AHCYL1: variants seen among roughly 807,000 people sequenced by gnomAD.
The protein encoded by AHCYL1 is adenosylhomocysteinase like 1.
Under a neutral mutation model 79.3 loss-of-function variants are expected in AHCYL1, and 20 were observed. That is an observed-to-expected ratio of 0.25 (90% CI 0.18 to 0.37). AHCYL1 has a LOEUF of 0.37. Ranked by LOEUF, AHCYL1 falls within the 10% of genes least tolerant of loss-of-function variation. AHCYL1 has a pLI of 1.00. For missense variants in AHCYL1, 330 were observed against 673.6 expected, an observed-to-expected ratio of 0.49 and a Z score of 5.65; for synonymous variants, 223 against 242.2, an observed-to-expected ratio of 0.92 and a Z score of 0.74.
At chr1:109,993,434 A>G (rs1256118384) in intron 1 of AHCYL1, among the ~76,000 whole-genome samples, 1 of 152,246 alleles carries the variant, frequency 6.6e-6, no homozygotes, top group Non-Finnish European at 1.5e-5. Context: ...AGTACCTGGC[A>G]CATAATACTG....
rs1441482952 is a variant in AHCYL1, at chr1:110,022,673, GGATTTATCTTTAA to G, written c.*996_*1008del. On this transcript the variant is annotated 3_prime_UTR_variant, in exon 17 of 17. Coordinates refer to ENST00000369799, the MANE Select transcript of AHCYL1 (RefSeq NM_006621.7). ...TATAAAGCACTGAGTTCTATCTTTA[GGATTTATCTTTAA>G]GAGCAAATTTCTGGTCAGCTGTGCT... 2 of 152,554 alleles carry G rather than the reference GGATTTATCTTTAA, an allele frequency of 1.3e-5. No homozygotes were observed. Among genetic ancestry groups the G allele is most frequent in the Non-Finnish European group, 2.9e-5 (2 of 68,028 alleles). 9.5% of individuals were successfully genotyped at this position (152,554 alleles called of 1,614,324 possible).
chr1:110,012,137 C>T (rs555556241), intron 3 of AHCYL1, among the ~76,000 whole-genome samples: 4 of 152,322 alleles, frequency 2.6e-5, no homozygotes, highest in African/African-American at 9.6e-5. Context: ...CTGTTCAGTC[C>T]TCTGTGTATA....
chr1:110,009,943 C>G (rs1650916333), intron 2 of AHCYL1, among the ~76,000 whole-genome samples: 1 of 152,212 alleles, frequency 6.6e-6, no homozygotes, highest in African/African-American at 2.4e-5. Flanking sequence ...CTATTAATGT[C>G]AGCAGAGATA....
chr1:109,991,425 T>G (rs1649753977), intron 1 of AHCYL1, among the ~76,000 whole-genome samples: 1 of 152,136 alleles, frequency 6.6e-6, no homozygotes, highest in Non-Finnish European at 1.5e-5. Flanking sequence ...AACATGTTCT[T>G]CTCTACCAGC....
intron 1 of AHCYL1, chr1:109,985,421 A>T: frequency 8.2e-7 from 1 of 1,220,112 alleles, no homozygotes; most frequent in South Asian, 2.3e-5. Flanking sequence ...CCAGGCCTTA[A>T]ATTTGCGACT....
chr1:110,004,865 A>G (rs1650546372), intron 1 of AHCYL1, among the ~76,000 whole-genome samples: 1 of 152,250 alleles, frequency 6.6e-6, no homozygotes, highest in South Asian at 2.1e-4. Flanking sequence ...AGAAGAAAAA[A>G]TAAATTAACC....
At position 109,984,883 on chromosome 1, in the gene AHCYL1, C is replaced by A; in HGVS notation, c.-170C>A. 1 of 1,111,626 alleles carries A rather than the reference C, an allele frequency of 9.0e-7. No homozygotes were observed. Among genetic ancestry groups the A allele is most frequent in the Non-Finnish European group, 1.2e-6 (1 of 868,478 alleles). 68.9% of individuals were successfully genotyped at this position (1,111,626 alleles called of 1,614,324 possible). Reference sequence around the variant, plus strand: ...TGTCCGGCTGCCTTGGGCTGCCGAACAGACAAGGCGTGGGCCACAGCACCT... The same window carrying A: ...TGTCCGGCTGCCTTGGGCTGCCGAAAAGACAAGGCGTGGGCCACAGCACCT... On this transcript the variant is annotated 5_prime_UTR_variant, in exon 1 of 17. Transcript: ENST00000369799.
chr1:110,014,856 T>C lies in AHCYL1; in HGVS notation c.674T>C (p.Met225Thr). 1 of 1,612,794 alleles carries C rather than the reference T, an allele frequency of 6.2e-7. No individual in the cohort carries two copies. Among genetic ancestry groups the C allele is most frequent in the Non-Finnish European group, 8.5e-7 (1 of 1,178,726 alleles). ...AACATGGATGGGTGGCAGGCCAACA[T>C]GGTAATAATGCATATACATCCTACA... ...CVNMDGWQAN[M>T]ILDDGGDLTH... is the part of the protein sequence containing the mutation. Residue 225 changes from methionine to threonine, a missense_variant and splice_region_variant, in exon 6 of 17, where the codon ATG (methionine) becomes ACG (threonine). Around this residue, in one of 6 missense-constraint regions of AHCYL1, gnomAD observed 17 missense variants for 45.6 expected, o/e 0.37. Transcript: ENST00000369799.
At position 109,984,773 on chromosome 1, in the gene AHCYL1, T is replaced by G. The variant is rs1392083447; in HGVS notation, c.-280T>G. ...CACCGCCCTCTACCCTCGCTTTGCGTGCGTGTTTGCGTACAGCGGAGGTGG... is the reference window on the plus strand; with the variant it reads ...CACCGCCCTCTACCCTCGCTTTGCGGGCGTGTTTGCGTACAGCGGAGGTGG... On this transcript the variant is annotated 5_prime_UTR_variant, in exon 1 of 17. Coordinates refer to ENST00000369799, the MANE Select transcript of AHCYL1 (RefSeq NM_006621.7). 3.4e-6 allele frequency: 1 copy of G among 294,572 alleles called. No individual in the cohort carries two copies. Among genetic ancestry groups the G allele is most frequent in the Admixed American group, 5.5e-5 (1 of 18,130 alleles). The allele number at this position is 294,572 out of a possible 1,614,324, so 18.2% of individuals were successfully genotyped here.
chr1:110,017,993 T>C lies in AHCYL1; in HGVS notation c.1100T>C (p.Val367Ala), dbSNP rs779475558. The C allele has an allele frequency of 6.2e-7, 1 of 1,614,214 alleles. No homozygotes were observed. Among genetic ancestry groups the C allele is most frequent in the South Asian group, 1.1e-5 (1 of 91,088 alleles). Residue 367 changes from valine to alanine, a missense_variant, in exon 11 of 17, where the codon GTC becomes GCC. Around this residue, in one of 6 missense-constraint regions of AHCYL1, gnomAD observed 119 missense variants for 293.3 expected, o/e 0.41. Coordinates refer to ENST00000369799, the MANE Select transcript of AHCYL1 (RefSeq NM_006621.7). ...AAGCTAAATGAAGTCATCCGGCAAG[T>C]CGATGTCGTAATAACTTGCACAGGT... Reference protein sequence around the residue: ...VVKLNEVIRQVDVVITCTGNK... With the variant: ...VVKLNEVIRQADVVITCTGNK...
chr1:109,988,434 CAAGT>C (rs1328216028), intron 1 of AHCYL1, among the ~76,000 whole-genome samples: 1 of 152,138 alleles, frequency 6.6e-6, no homozygotes, highest in Admixed American at 6.5e-5. Flanking sequence ...TCGGTCAAAC[CAAGT>C]AAGTAATCTA....
intron 1 of AHCYL1, among the ~76,000 whole-genome samples, chr1:110,003,696 A>C (rs1479469527): frequency 1.3e-5 from 2 of 152,140 alleles, no homozygotes; most frequent in African/African-American, 4.8e-5. Flanking sequence ...TGGGACTGAG[A>C]AAAGAAGTAT....
rs754325154 is a variant in AHCYL1, at chr1:110,017,985, C to A, written c.1092C>A (p.Ile364=). Residue 364 remains isoleucine (I), a synonymous_variant, in exon 11 of 17, where the codon ATC becomes ATA. Transcript: ENST00000369799. The stretch of plus-strand genomic sequence containing the variant: ...GGGTGGTAAAGCTAAATGAAGTCAT[C>A]CGGCAAGTCGATGTCGTAATAACTT... ...GFRVVKLNEV[I]RQVDVVITCT... 3.7e-6 allele frequency: 6 copies of A among 1,614,064 alleles called. No individual in the cohort carries two copies. Among genetic ancestry groups the A allele is most frequent in the Non-Finnish European group, 5.1e-6 (6 of 1,180,038 alleles).
Position 110,016,814 on chromosome 1 carries a change from G to C in AHCYL1, c.963+84G>C, listed in dbSNP as rs1651449313. 2.8e-5 allele frequency: 42 copies of C among 1,511,116 alleles called. 1 individual carries two copies. In the South Asian group the frequency reaches 4.8e-4, roughly 17 times the overall value. 93.6% of individuals were successfully genotyped at this position (1,511,116 alleles called of 1,614,324 possible). ...AAAGGAGGCTTGTGCTGTCAATCTAGAGTCACTGATACAAGGTTTAAATTT... is the reference window on the plus strand; with the variant it reads ...AAAGGAGGCTTGTGCTGTCAATCTACAGTCACTGATACAAGGTTTAAATTT... On this transcript the variant is annotated intron_variant, in intron 9 of 16. Coordinates refer to ENST00000369799, the MANE Select transcript of AHCYL1 (RefSeq NM_006621.7).
In AHCYL1 at chr1:110,020,780, A is replaced by C. The variant is rs943050144; in HGVS notation, c.1515A>C (p.Thr505=). The part of the protein sequence containing the change: ...LHLPSFDAHL[T]ELTDDQAKYL... ...TGCCATCATTTGATGCCCACCTTAC[A>C]GAGCTGACAGATGACCAAGCAAAAT... Residue 505 remains threonine (T), a synonymous_variant, in exon 16 of 17, where the codon ACA becomes ACC. Transcript: ENST00000369799. 1 of 1,613,734 alleles carries C rather than the reference A, an allele frequency of 6.2e-7. No individual in the cohort carries two copies. Among genetic ancestry groups the C allele is most frequent in the African/African-American group, 1.3e-5 (1 of 74,906 alleles).
chr1:110,009,447 A>C (rs1286299726), intron 2 of AHCYL1, among the ~76,000 whole-genome samples: 4 of 152,222 alleles, frequency 2.6e-5, no homozygotes, highest in Non-Finnish European at 5.9e-5. Context: ...GGAAGAAATC[A>C]ATGCTATTTT....
In AHCYL1 at chr1:110,015,494, C is replaced by A; in HGVS notation, c.745C>A (p.Arg249=). Residue 249 remains arginine, a synonymous_variant, in exon 7 of 17, where the codon CGA becomes AGA. Transcript: ENST00000369799. ...GTATCCAAACGTGTTTAAGAAGATC[C>A]GAGGCATTGTGGAAGAGAGCGTGAC... ...KKYPNVFKKI[R]GIVEESVTGV... 3 of 1,614,136 alleles carry A rather than the reference C, an allele frequency of 1.9e-6. No individual in the cohort carries two copies. Among genetic ancestry groups the A allele is most frequent in the Non-Finnish European group, 2.5e-6 (3 of 1,180,012 alleles).
intron 6 of AHCYL1, 86 bp downstream of exon 6, chr1:110,014,943 G>A: frequency 7.7e-7 from 1 of 1,302,974 alleles, no homozygotes; most frequent in South Asian, 1.2e-5. Flanking sequence ...ATATGTTTTG[G>A]ATGTTTGGTC....
chr1:110,001,868 C>T (rs1272008065), intron 1 of AHCYL1, among the ~76,000 whole-genome samples: 3 of 152,220 alleles, frequency 2.0e-5, no homozygotes, highest in South Asian at 2.1e-4. Context: ...AAATCTTAAC[C>T]TAATATATCA....
Sources: allele counts gnomAD v4.1 joint callset (sites outside exome capture counted in the v4.1 genomes callset), GRCh38; gene constraint gnomAD v4.1.1; regional missense constraint gnomAD v4.1.1; transcripts MANE v1.5; gene names NCBI Gene and HGNC (gene_info 2026-07-23, HGNC 2026-07-21).